TRPC1: variants seen among roughly 807,000 people sequenced by gnomAD.
The protein encoded by TRPC1 is transient receptor potential cation channel subfamily C member 1, also known as short transient receptor potential channel 1.
TRPC1 carries 42 observed loss-of-function variants against 88.2 expected under a neutral mutation model. The observed-to-expected ratio is 0.48, with a 90% CI of 0.37 to 0.62. The LOEUF (loss-of-function observed/expected upper bound fraction) is 0.62, where lower values mean the gene tolerates loss of function less well. Ranked by LOEUF, TRPC1 falls within the 20% of genes least tolerant of loss-of-function variation. The probability of loss-of-function intolerance (pLI) is 0.00; values close to 1 mark genes in which losing one functional copy is unlikely to be tolerated. For missense variants in TRPC1, 699 were observed against 957.3 expected (o/e 0.73, Z 3.56); for synonymous variants, 288 against 331.8 (o/e 0.87, Z 1.43).
At chr3:142,763,292 T>C (rs1046231080) in intron 4 of TRPC1, among the ~76,000 whole-genome samples, 3 of 152,148 alleles carry the variant, frequency 2.0e-5, no homozygotes, top group Admixed American at 1.3e-4. Context: ...TATTGTATTG[T>C]AGTTTATCTA....
chr3:142,748,553 A>T, intron 4 of TRPC1, 93 bp downstream of exon 4: 1 of 1,358,786 alleles, frequency 7.4e-7, no homozygotes, highest in South Asian at 1.3e-5. Context: ...AGCTTTTAAG[A>T]AATGTGATGC....
At chr3:142,743,635 A>T (rs1934434534) in intron 3 of TRPC1, 49 bp downstream of exon 3, 1 of 1,242,048 alleles carries the variant, frequency 8.1e-7, no homozygotes, top group East Asian at 2.9e-5. Context: ...ACCAAAATAG[A>T]TCTCTTGCCC....
At position 142,807,027 on chromosome 3, in the gene TRPC1, T is replaced by G. The variant is rs1936814894; in HGVS notation, c.*792T>G. On this transcript the variant is annotated 3_prime_UTR_variant, in exon 13 of 13. Transcript: ENST00000476941. ...AGCTATTCAGTTATGTTTATAAGTT[T>G]GCATAGCTACTTCTCGACATTTGGT... 6.6e-6 allele frequency: 1 copy of G among 152,134 alleles called. No individual in the cohort carries two copies. The allele number at this position is 152,134 out of a possible 1,614,324, so 9.4% of individuals were successfully genotyped here. A position where few individuals can be genotyped will look rare whatever the true frequency, so the allele number is the denominator to read the frequency against.
chr3:142,784,363 A>AG (rs1936063569), intron 6 of TRPC1, among the ~76,000 whole-genome samples: 1 of 133,902 alleles, frequency 7.5e-6, no homozygotes. Context: ...CGCTATTCTG[A>AG]GGGCTTTACC....
At chr3:142,805,918 A>T in intron 12 of TRPC1, 90 bp from the exon 13 acceptor site, 1 of 1,112,072 alleles carries the variant, frequency 9.0e-7, no homozygotes. Context: ...GCATTTAAAG[A>T]TGTGTTTGTG....
At position 142,736,514 on chromosome 3, in the gene TRPC1, T is replaced by C. The variant is rs774928231; in HGVS notation, c.308T>C (p.Leu103Pro). Residue 103 changes from leucine to proline, a missense_variant, in exon 2 of 13, where the codon CTT becomes CCT. Around this residue, in one of 4 missense-constraint regions of TRPC1, gnomAD observed 157 missense variants for 127.0 expected, o/e 1.24. Transcript: ENST00000476941. ...ENENLDILQL[L>P]LDYGCQSADA... is the part of the protein sequence containing the mutation. ...GAAAACTTGGATATACTGCAGCTTC[T>C]TTTGGACTACGGTTGTCAGGTACAA... 6.2e-7 allele frequency: 1 copy of C among 1,609,440 alleles called. No individual in the cohort carries two copies. The highest frequency in any genetic ancestry group is 1.7e-5 in the Admixed American group (1 of 58,808).
rs148007736 is a variant in TRPC1, at chr3:142,777,923, G to A, written c.764+160G>A. Among the ~76,000 whole-genome samples the A allele has an allele frequency of 9.5e-3, 1,439 of 152,176 alleles. 30 individuals carry two copies. Among genetic ancestry groups the A allele is most frequent in the African/African-American group, 0.033 (1,376 of 41,520 alleles). On this transcript the variant is annotated intron_variant, in intron 5 of 12. Transcript: ENST00000476941. Reference sequence around the variant, plus strand: ...AACAGACCCCTGCTCTCCCTCAAAGGAACAGACCCTGGTGCTACTTAAGTC... The same window carrying A: ...AACAGACCCCTGCTCTCCCTCAAAGAAACAGACCCTGGTGCTACTTAAGTC...
At chr3:142,787,990 G>T (rs1444361193) in intron 7 of TRPC1, among the ~76,000 whole-genome samples, 1 of 152,160 alleles carries the variant, frequency 6.6e-6, no homozygotes, top group Admixed American at 6.5e-5. Context: ...CTGAGTAAAG[G>T]CTAACATTTC....
At position 142,724,757 on chromosome 3, in the gene TRPC1, T is replaced by C. The variant is rs1933597315; in HGVS notation, c.172+26T>C. 2 of 1,536,698 alleles carry C rather than the reference T, an allele frequency of 1.3e-6. No homozygotes were observed. Among genetic ancestry groups the C allele is most frequent in the Middle Eastern group, 1.8e-4 (1 of 5,692 alleles). ...GTGAGAGTTAGGCCCCTTTCTCCTCTGGACGCCCCTGTCCTCCAGACCTTT... is the reference window on the plus strand; with the variant it reads ...GTGAGAGTTAGGCCCCTTTCTCCTCCGGACGCCCCTGTCCTCCAGACCTTT... On this transcript the variant is annotated intron_variant, in intron 1 of 12. Transcript: ENST00000476941. This position sits in a 1 kb window ranked among gnomAD's most constrained non-coding sequence, Gnocchi z 5.6.
At chr3:142,732,129 A>T (rs1225192220) in intron 1 of TRPC1, among the ~76,000 whole-genome samples, 1 of 152,206 alleles carries the variant, frequency 6.6e-6, no homozygotes, top group Non-Finnish European at 1.5e-5. Flanking sequence ...AAAAGAGTAA[A>T]CAAGGAAGGG....
chr3:142,796,620 A>G (rs1936460041), intron 9 of TRPC1, among the ~76,000 whole-genome samples: 1 of 151,774 alleles, frequency 6.6e-6, no homozygotes, highest in Admixed American at 6.6e-5. Flanking sequence ...TGGGTCCCTG[A>G]TTCTTACCCA....
intron 4 of TRPC1, among the ~76,000 whole-genome samples, chr3:142,763,959 A>AAAATATATATATATATATATAT (rs1935279498): frequency 1.3e-5 from 1 of 76,316 alleles, no homozygotes. Flanking sequence ...AAAAAAAAGA[A>AAAATATATATATATATATATAT]ATATATATAT....
At chr3:142,731,544 C>G (rs1343774439) in intron 1 of TRPC1, among the ~76,000 whole-genome samples, 1 of 151,706 alleles carries the variant, frequency 6.6e-6, no homozygotes, top group Non-Finnish European at 1.5e-5. Flanking sequence ...CCCACCATGC[C>G]CGGCTAATTT....
chr3:142,789,810 T>G (rs1307409127), intron 7 of TRPC1, among the ~76,000 whole-genome samples: 5 of 152,350 alleles, frequency 3.3e-5, no homozygotes, highest in Admixed American at 6.5e-5. Flanking sequence ...TTTTTATTTT[T>G]GTATATTTAT....
At chr3:142,725,760 A>G (rs1933648630) in intron 1 of TRPC1, among the ~76,000 whole-genome samples, 2 of 152,144 alleles carry the variant, frequency 1.3e-5, no homozygotes, top group African/African-American at 4.8e-5. Flanking sequence ...GACTAACTAC[A>G]CAGGATTTTT....
chr3:142,780,744 A>G (rs1312929515), intron 5 of TRPC1, 90 bp from the exon 6 acceptor site: 1 of 1,276,722 alleles, frequency 7.8e-7, no homozygotes. Context: ...TCAGAATTAA[A>G]ATGTTGCTGA....
chr3:142,773,578 G>A (rs1935653711), intron 4 of TRPC1, among the ~76,000 whole-genome samples: 2 of 144,092 alleles, frequency 1.4e-5, no homozygotes, highest in African/African-American at 5.0e-5. Context: ...CACTCTGCAG[G>A]CAGTTTTTTT....
At chr3:142,781,637 A>G (rs182433597) in intron 6 of TRPC1, among the ~76,000 whole-genome samples, 1 of 152,218 alleles carries the variant, frequency 6.6e-6, no homozygotes, top group South Asian at 2.1e-4. Flanking sequence ...TCTACTCCCC[A>G]TGCATACATA....
chr3:142,759,368 C>T (rs1935099142), intron 4 of TRPC1, among the ~76,000 whole-genome samples: 1 of 152,166 alleles, frequency 6.6e-6, no homozygotes, highest in South Asian at 2.1e-4. Context: ...GATCGCCATT[C>T]TAACTGGTGT....
Sources: allele counts gnomAD v4.1 joint callset (sites outside exome capture counted in the v4.1 genomes callset), GRCh38; gene constraint gnomAD v4.1.1; regional missense constraint gnomAD v4.1.1; non-coding constraint Gnocchi (gnomAD v3.1); transcripts MANE v1.5; gene names NCBI Gene and HGNC (gene_info 2026-07-23, HGNC 2026-07-21).